Variants in VIRMA observed in about 807,000 individuals in gnomAD.
VIRMA encodes protein virilizer homolog.
VIRMA carries 65 observed loss-of-function variants against 182.4 expected under a neutral mutation model. The ratio of observed to expected loss-of-function variants is 0.36; its 90% CI spans 0.29 to 0.44. The LOEUF (loss-of-function observed/expected upper bound fraction) is 0.44, where lower values mean the gene tolerates loss of function less well. Among genes scored for constraint, VIRMA ranks in the 20% least tolerant of loss-of-function variants. The pLI, the probability that VIRMA is intolerant of heterozygous loss-of-function variation, is 1.00. For missense variants in VIRMA, 1,752 were observed against 2,158.1 expected (o/e 0.81, Z 3.73); for synonymous variants, 709 against 743.1 (o/e 0.95, Z 0.75).
intron 10 of VIRMA, 121 bp from the exon 11 acceptor site, chr8:94,515,072 A>C: frequency 2.0e-6 from 1 of 505,274 alleles, no homozygotes; most frequent in Non-Finnish European, 3.5e-6. Flanking sequence ...TCTAAACTTC[A>C]TGCAGGGATG....
chr8:94,500,470 C>G (rs1034453656), intron 16 of VIRMA, among the ~76,000 whole-genome samples: 5 of 152,138 alleles, frequency 3.3e-5, no homozygotes, highest in Admixed American at 6.6e-5. Flanking sequence ...CTAACCACTA[C>G]ACACAATCTT....
At chr8:94,519,500 T>C in intron 8 of VIRMA, 24 bp from the exon 9 acceptor site, 2 of 1,517,054 alleles carry the variant, frequency 1.3e-6, no homozygotes, top group Non-Finnish European at 1.8e-6. Context: ...AATTGATACA[T>C]GTCAAGTCAG....
Position 94,511,380 on chromosome 8 carries a change from A to C in VIRMA, c.3195T>G (p.Ile1065Met). Residue 1065 changes from isoleucine to methionine, a missense_variant, in exon 13 of 24, where the codon ATT becomes ATG. By Grantham distance (10) the Ile-to-Met change is conservative. Around this residue, in one of 11 missense-constraint regions of VIRMA, gnomAD observed 777 missense variants for 920.6 expected, o/e 0.84. Coordinates refer to ENST00000297591, the MANE Select transcript of VIRMA (RefSeq NM_015496.5). ...SDEQKIQNDIIDILLTFTQGV... is the reference protein window; with the variant it reads ...SDEQKIQNDIMDILLTFTQGV... ...CTTGTGTAAAAGTCAGTAAAATATCAATGATATCATTCTGAATTTTCTGTT... is the reference window on the plus strand; with the variant it reads ...CTTGTGTAAAAGTCAGTAAAATATCCATGATATCATTCTGAATTTTCTGTT... 6.2e-7 allele frequency: 1 copy of C among 1,613,956 alleles called. No individual in the cohort carries two copies. The highest frequency in any genetic ancestry group is 8.5e-7 in the Non-Finnish European group (1 of 1,179,950).
At chr8:94,515,759 T>C (rs1814538724) in intron 10 of VIRMA, among the ~76,000 whole-genome samples, 1 of 152,138 alleles carries the variant, frequency 6.6e-6, no homozygotes, top group Admixed American at 6.5e-5. Flanking sequence ...TTAAATAGTC[T>C]ATATAATTAA....
At chr8:94,530,589 T>C (rs1242892096) in intron 6 of VIRMA, among the ~76,000 whole-genome samples, 1 of 152,154 alleles carries the variant, frequency 6.6e-6, no homozygotes, top group Non-Finnish European at 1.5e-5. Flanking sequence ...GCATCAAGAT[T>C]TGATTACTGG....
intron 23 of VIRMA, 74 bp from the exon 24 acceptor site, chr8:94,488,934 A>T: frequency 2.0e-6 from 3 of 1,495,112 alleles, no homozygotes; most frequent in Non-Finnish European, 2.7e-6. Context: ...AATCTACGAC[A>T]CTGAGCTCAA....
At chr8:94,509,606 T>C in intron 15 of VIRMA, 82 bp downstream of exon 15, 1 of 1,423,254 alleles carries the variant, frequency 7.0e-7, no homozygotes, top group Non-Finnish European at 9.4e-7. Context: ...CAGCCAAAAT[T>C]TACATCAAGA....
Position 94,542,362 on chromosome 8 carries a change from C to T in VIRMA, c.179+1465G>A, listed in dbSNP as rs866597326. Among the ~76,000 whole-genome samples the T allele has an allele frequency of 1.1e-4, 17 of 152,298 alleles. No individual in the cohort carries two copies. The Middle Eastern group carries it at 0.01, about 91-fold the overall frequency. On this transcript the variant is annotated intron_variant, in intron 2 of 23. Coordinates refer to ENST00000297591, the MANE Select transcript of VIRMA (RefSeq NM_015496.5). ...TCTCCTGGCAAAGAAGTGAAGCCTC[C>T]TGCCAGCAGCCCCATGAATGAACTA...
chr8:94,524,127 G>A (rs1013585969), intron 8 of VIRMA, among the ~76,000 whole-genome samples: 1 of 152,124 alleles, frequency 6.6e-6, no homozygotes, highest in Admixed American at 6.5e-5. Flanking sequence ...AGCCTCCCAA[G>A]TAGCTGAGAT....
intron 15 of VIRMA, among the ~76,000 whole-genome samples, chr8:94,507,851 A>G (rs1221806687): frequency 6.7e-6 from 1 of 149,090 alleles, no homozygotes; most frequent in Non-Finnish European, 1.5e-5. Flanking sequence ...CAGTCTTTCA[A>G]TCAAATATTT....
intron 8 of VIRMA, among the ~76,000 whole-genome samples, chr8:94,521,638 G>GT (rs1350011737): frequency 6.6e-6 from 1 of 152,064 alleles, no homozygotes; most frequent in Admixed American, 6.6e-5. Context: ...ACTGCAAATG[G>GT]TAACACAATA....
chr8:94,528,998 T>C, intron 7 of VIRMA, 72 bp downstream of exon 7: 1 of 1,559,462 alleles, frequency 6.4e-7, no homozygotes, highest in South Asian at 1.2e-5. Flanking sequence ...AGAAATTCTT[T>C]TGCATTTTTC....
chr8:94,506,745 A>G (rs371915159), intron 15 of VIRMA, 28 bp from the exon 16 acceptor site: 31 of 1,450,368 alleles, frequency 2.1e-5, no homozygotes, highest in Non-Finnish European at 2.9e-5. Flanking sequence ...AAAAAAATCG[A>G]TTTTTTAAAT....
At position 94,488,878 on chromosome 8, in the gene VIRMA, C is replaced by G. The variant is rs984479946; in HGVS notation, c.5285-18G>C. On this transcript the variant is annotated intron_variant, in intron 23 of 23. Coordinates refer to ENST00000297591, the MANE Select transcript of VIRMA (RefSeq NM_015496.5). ...GCGGTAACCTGTAAAAGAAAGAATA[C>G]AGTTTTTAGTTCCAATGTCCTTTCT... The G allele has an allele frequency of 6.2e-7, 1 of 1,606,186 alleles. No homozygotes were observed. Among genetic ancestry groups the G allele is most frequent in the Non-Finnish European group, 8.5e-7 (1 of 1,175,256 alleles).
Position 94,519,287 on chromosome 8 carries a change from G to A in VIRMA, c.2211C>T (p.His737=), listed in dbSNP as rs1563468755. ...ATNLLIRALC[H]FYDQDEEEGL... is the part of the protein sequence containing the mutation. ...CTTCCTCCTCATCTTGATCATAAAA[G>A]TGACACAGAGCTCGGATCAATAAAT... is the stretch of plus-strand genomic sequence containing the variant. The change falls in exon 9 of 24, where the codon CAC becomes CAT. Residue 737 remains histidine (H), a synonymous_variant. Coordinates refer to ENST00000297591, the MANE Select transcript of VIRMA (RefSeq NM_015496.5). 1 of 1,614,018 alleles carries A rather than the reference G, an allele frequency of 6.2e-7. No homozygotes were observed. The highest frequency in any genetic ancestry group is 8.5e-7 in the Non-Finnish European group (1 of 1,179,980).
In VIRMA at chr8:94,553,414, AAAAT is replaced by A; in HGVS notation, c.30_33del (p.Leu10PhefsTer2). 6.2e-7 allele frequency: 1 copy of A among 1,614,220 alleles called. No individual in the cohort carries two copies. The highest frequency in any genetic ancestry group is 8.5e-7 in the Non-Finnish European group (1 of 1,180,036). On this transcript the variant is annotated frameshift_variant, in exon 1 of 24. Transcript: ENST00000297591. LOFTEE classifies it high-confidence loss of function. Reference sequence around the variant, plus strand: ...GCGCTCGGGTGTTTAAAAGTATCTAAAAATAACAGCTCCATCGCCGAGTCCACCG... The same window carrying A: ...GCGCTCGGGTGTTTAAAAGTATCTAAAACAGCTCCATCGCCGAGTCCACCG...
chr8:94,495,290 C>T (rs542882654), intron 19 of VIRMA, among the ~76,000 whole-genome samples: 1 of 152,218 alleles, frequency 6.6e-6, no homozygotes, highest in East Asian at 1.9e-4. Context: ...AGTCGTGAGC[C>T]AATATGCCCA....
intron 15 of VIRMA, among the ~76,000 whole-genome samples, chr8:94,508,947 A>G (rs963365556): frequency 1.3e-5 from 2 of 152,218 alleles, no homozygotes; most frequent in African/African-American, 2.4e-5. Context: ...CCATGAAACT[A>G]TAAACTGGAA....
chr8:94,531,124 T>C, intron 5 of VIRMA, 39 bp from the exon 6 acceptor site: 1 of 1,500,550 alleles, frequency 6.7e-7, no homozygotes, highest in Non-Finnish European at 8.9e-7. Context: ...ACTTTCAAAT[T>C]ACAGATGACC....
Sources: allele counts gnomAD v4.1 joint callset (sites outside exome capture counted in the v4.1 genomes callset), GRCh38; gene constraint gnomAD v4.1.1; regional missense constraint gnomAD v4.1.1; transcripts MANE v1.5; gene names NCBI Gene and HGNC (gene_info 2026-07-23, HGNC 2026-07-21).